Variants in MICAL3 observed in about 807,000 individuals in gnomAD.
MICAL3 encodes microtubule associated monooxygenase, calponin and LIM domain containing 3, also known as [F-actin]-monooxygenase MICAL3.
A neutral mutation model predicts 207.4 loss-of-function variants in MICAL3; 62 were observed. That is an observed-to-expected ratio of 0.30 (90% CI 0.24 to 0.37). MICAL3 has a LOEUF of 0.37. Among genes scored for constraint, MICAL3 ranks in the 10% least tolerant of loss-of-function variants. The pLI is 1.00. For synonymous variants in MICAL3, 1,077 were observed against 1,069.3 expected (o/e 1.01, Z -0.14); for missense variants, 2,368 against 2,635.6 (o/e 0.90, Z 2.22).
intron 27 of MICAL3, among the ~76,000 whole-genome samples, chr22:17,812,084 A>G (rs1330948948): frequency 2.0e-5 from 3 of 152,214 alleles, no homozygotes; most frequent in Non-Finnish European, 4.4e-5. Flanking sequence ...AAGAAGACAA[A>G]CATGACTTGG....
chr22:17,928,306 G>A (rs902908919), intron 1 of MICAL3, among the ~76,000 whole-genome samples: 2 of 152,132 alleles, frequency 1.3e-5, no homozygotes, highest in Non-Finnish European at 2.9e-5. Flanking sequence ...GGGCGTGGTG[G>A]CGGGCATCTG....
intron 1 of MICAL3, among the ~76,000 whole-genome samples, chr22:17,944,887 C>A (rs375597106): frequency 1.8e-4 from 28 of 152,200 alleles, no homozygotes; most frequent in African/African-American, 6.5e-4. Flanking sequence ...CTGGGGACCG[C>A]TGTACTATTC....
At position 17,880,372 on chromosome 22, in the gene MICAL3, C is replaced by T. The variant is rs544102037; in HGVS notation, c.2241+5506G>A. Among the ~76,000 whole-genome samples, 172 of 152,342 alleles carry T rather than the reference C, an allele frequency of 1.1e-3. 1 individual carries two copies. Among genetic ancestry groups the T allele is most frequent in the Non-Finnish European group, 2.1e-3 (144 of 68,030 alleles). On this transcript the variant is annotated intron_variant, in intron 16 of 31. Coordinates refer to ENST00000441493, the MANE Select transcript of MICAL3 (RefSeq NM_015241.3). The stretch of plus-strand genomic sequence containing the variant: ...AGAAGAACTGAGCGTGCTTTCCAGG[C>T]GACAGCGGACGCTGAGGACGGCTAG...
chr22:17,944,050 C>T (rs1419068899), intron 1 of MICAL3, among the ~76,000 whole-genome samples: 1 of 152,192 alleles, frequency 6.6e-6, no homozygotes, highest in African/African-American at 2.4e-5. Context: ...CCCATCTGCC[C>T]AGTGCTCCCC....
intron 1 of MICAL3, among the ~76,000 whole-genome samples, chr22:17,933,491 T>C (rs531159483): frequency 1.2e-4 from 19 of 152,330 alleles, no homozygotes; most frequent in South Asian, 4.1e-4. Flanking sequence ...GGGAAATTTA[T>C]AGCACTAAAT....
intron 1 of MICAL3, among the ~76,000 whole-genome samples, chr22:17,985,798 C>G (rs1389624809): frequency 6.6e-6 from 1 of 152,150 alleles, no homozygotes; most frequent in South Asian, 2.1e-4. Context: ...CATCTTCACC[C>G]TCCTTTAGGA....
chr22:17,794,452 T>G (rs1331520688), intron 29 of MICAL3, among the ~76,000 whole-genome samples: 1 of 152,220 alleles, frequency 6.6e-6, no homozygotes, highest in East Asian at 1.9e-4. Context: ...TCTGAGTCTG[T>G]GGGGGCAGCA....
At chr22:17,804,414 C>T (rs1034549061) in intron 29 of MICAL3, among the ~76,000 whole-genome samples, 6 of 152,188 alleles carry the variant, frequency 3.9e-5, no homozygotes, top group East Asian at 3.9e-4. Flanking sequence ...CCACTTTTGC[C>T]GAATGGGTTT....
chr22:17,991,766 G>A (rs1486817486), intron 1 of MICAL3, among the ~76,000 whole-genome samples: 1 of 152,166 alleles, frequency 6.6e-6, no homozygotes, highest in African/African-American at 2.4e-5. Context: ...ATCATATCCA[G>A]TAGTAAGAAG....
intron 1 of MICAL3, among the ~76,000 whole-genome samples, chr22:17,919,076 G>GTTTTTTTTTTTTTTTTTTTTTTTTT (rs35096617): frequency 7.3e-6 from 1 of 136,504 alleles, no homozygotes; most frequent in African/African-American, 3.0e-5. Flanking sequence ...GTTTTTGTGG[G>GTTTTTTTTTTTTTTTTTTTTTTTTT]TTTTTTTTTT....
At position 17,790,392 on chromosome 22, in the gene MICAL3, C is replaced by T. The variant is rs966786579; in HGVS notation, c.*340G>A. On this transcript the variant is annotated 3_prime_UTR_variant, in exon 32 of 32. Coordinates refer to ENST00000441493, the MANE Select transcript of MICAL3 (RefSeq NM_015241.3). ...GGTTCTGACGGGGAGCAGCTTCCCT[C>T]TCTTACCAAATGTGCCAGTGGAAAA... 3.1e-5 allele frequency: 9 copies of T among 290,998 alleles called. No homozygotes were observed. The highest frequency in any genetic ancestry group is 4.6e-5 in the Non-Finnish European group (7 of 153,424). The allele number at this position is 290,998 out of a possible 1,614,324, so 18.0% of individuals were successfully genotyped here.
intron 3 of MICAL3, 137 bp downstream of exon 3, chr22:17,904,495 A>C (rs1226425042): frequency 1.4e-6 from 1 of 712,710 alleles, no homozygotes; most frequent in African/African-American, 1.7e-5. Flanking sequence ...GAGTGCACTT[A>C]CTATAAGAAA....
chr22:17,897,059 C>T, intron 7 of MICAL3, 78 bp from the exon 8 acceptor site: 1 of 1,460,244 alleles, frequency 6.8e-7, no homozygotes, highest in South Asian at 1.3e-5. Context: ...AACCCAGGGC[C>T]ACAGCTTCTT....
intron 1 of MICAL3, among the ~76,000 whole-genome samples, chr22:18,012,734 A>G (rs985699442): frequency 3.3e-5 from 5 of 152,224 alleles, no homozygotes; most frequent in African/African-American, 1.2e-4. Flanking sequence ...TTCTAGATGT[A>G]CTGTTACATG....
intron 1 of MICAL3, among the ~76,000 whole-genome samples, chr22:17,962,151 C>T (rs1934940898): frequency 6.6e-6 from 1 of 152,156 alleles, no homozygotes; most frequent in Non-Finnish European, 1.5e-5. Flanking sequence ...CGTGTGACGA[C>T]TGCTGGGAGA....
chr22:17,826,672 A>T (rs5992119), intron 22 of MICAL3, among the ~76,000 whole-genome samples: 44,255 of 152,158 alleles, frequency 0.29, 6,855 homozygotes, highest in Non-Finnish European at 0.34. Context: ...GCGAGCCCTG[A>T]TGTTAGCCTG....
chr22:17,942,259 C>T lies in MICAL3; in HGVS notation c.-74-35373G>A, dbSNP rs1221755739. The stretch of plus-strand genomic sequence containing the variant: ...GAAGGCAGTCCATGCACCAAGTGAC[C>T]GTGGCTGTCCAGCCAGCTGTAGAGT... On this transcript the variant is annotated intron_variant, in intron 1 of 31. Coordinates refer to ENST00000441493, the MANE Select transcript of MICAL3 (RefSeq NM_015241.3). 4.6e-5 allele frequency among the ~76,000 whole-genome samples: 7 copies of T among 152,140 alleles called. No individual in the cohort carries two copies. The South Asian group carries it at 1.0e-3, about 23-fold the overall frequency.
chr22:17,973,611 G>A (rs953096920), intron 1 of MICAL3, among the ~76,000 whole-genome samples: 3 of 152,290 alleles, frequency 2.0e-5, no homozygotes, highest in East Asian at 1.9e-4. Flanking sequence ...AGGCTTAGAC[G>A]CAGGCAAATC....
chr22:17,950,306 C>T (rs911192005), intron 1 of MICAL3, among the ~76,000 whole-genome samples: 3 of 149,824 alleles, frequency 2.0e-5, no homozygotes, highest in South Asian at 2.1e-4. Flanking sequence ...GGATTACAGG[C>T]GCCTGCCACC....
Sources: gnomAD v4.1 joint callset for allele counts (sites outside exome capture counted in the v4.1 genomes callset) on GRCh38, gnomAD v4.1.1 for gene constraint, MANE v1.5 for transcripts, NCBI Gene and HGNC (gene_info 2026-07-23, HGNC 2026-07-21) for gene names.